The following KCTD8 variants were observed in gnomAD, a reference collection of about 807,000 sequenced individuals.
KCTD8 encodes the protein BTB/POZ domain-containing protein KCTD8.
Under a neutral mutation model 31.5 loss-of-function variants are expected in KCTD8, and 27 were observed. The observed-to-expected ratio is 0.86, with a 90% CI of 0.63 to 1.18. The LOEUF (loss-of-function observed/expected upper bound fraction) is 1.18, where lower values mean the gene tolerates loss of function less well. KCTD8 is among the 50% of genes most tolerant of loss of function. The probability of loss-of-function intolerance (pLI) is 0.00; values close to 1 mark genes in which losing one functional copy is unlikely to be tolerated. For synonymous variants in KCTD8, 290 were observed against 280.0 expected (o/e 1.04, Z -0.36); for missense variants, 658 against 647.7 (o/e 1.02, Z -0.17).
At chr4:44,421,848 G>GA (rs1285681917) in intron 1 of KCTD8, among the ~76,000 whole-genome samples, 7 of 151,588 alleles carry the variant, frequency 4.6e-5, no homozygotes, top group Non-Finnish European at 8.8e-5. Context: ...AATTTTTATG[G>GA]AAAAAAAATC....
intron 1 of KCTD8, among the ~76,000 whole-genome samples, chr4:44,403,344 TCTA>T (rs928671614): frequency 3.3e-5 from 5 of 151,944 alleles, no homozygotes; most frequent in African/African-American, 1.2e-4. Context: ...GGCTAAATTA[TCTA>T]CTTTTTCTGT....
intron 1 of KCTD8, among the ~76,000 whole-genome samples, chr4:44,276,046 G>A (rs1716739942): frequency 6.6e-6 from 1 of 151,864 alleles, no homozygotes; most frequent in Non-Finnish European, 1.5e-5. Flanking sequence ...TACTTCCATG[G>A]TCCCAAAAGA....
chr4:44,306,956 T>C (rs1717822157), intron 1 of KCTD8, among the ~76,000 whole-genome samples: 1 of 151,852 alleles, frequency 6.6e-6, no homozygotes, highest in Non-Finnish European at 1.5e-5. Flanking sequence ...TCAAAAGATA[T>C]AAAGAGTGGC....
At chr4:44,238,997 A>G (rs910780959) in intron 1 of KCTD8, among the ~76,000 whole-genome samples, 14 of 152,212 alleles carry the variant, frequency 9.2e-5, no homozygotes, top group African/African-American at 3.4e-4. Flanking sequence ...CTAAGGAAAC[A>G]AAAAACACAG....
chr4:44,441,147 T>G (rs1336353196), intron 1 of KCTD8, among the ~76,000 whole-genome samples: 4 of 152,170 alleles, frequency 2.6e-5, no homozygotes. Flanking sequence ...ATTTACTTGT[T>G]GGAATGACTT....
At chr4:44,397,921 A>C (rs1720548505) in intron 1 of KCTD8, among the ~76,000 whole-genome samples, 1 of 152,142 alleles carries the variant, frequency 6.6e-6, no homozygotes, top group African/African-American at 2.4e-5. Context: ...AGCACAATGA[A>C]TTACAGTTAA....
intron 1 of KCTD8, among the ~76,000 whole-genome samples, chr4:44,230,434 T>G (rs993952023): frequency 1.3e-5 from 2 of 152,184 alleles, no homozygotes; most frequent in African/African-American, 2.4e-5. Context: ...GTAATACTTA[T>G]GAAGAAAATG....
At chr4:44,346,863 C>T (rs1719050233) in intron 1 of KCTD8, among the ~76,000 whole-genome samples, 1 of 152,014 alleles carries the variant, frequency 6.6e-6, no homozygotes, top group Non-Finnish European at 1.5e-5. Flanking sequence ...TTTTATAAAC[C>T]ATGAACACAA....
At chr4:44,437,895 G>A (rs1478406849) in intron 1 of KCTD8, among the ~76,000 whole-genome samples, 1 of 151,982 alleles carries the variant, frequency 6.6e-6, no homozygotes, top group East Asian at 1.9e-4. Flanking sequence ...TACTCTAAAC[G>A]AGAATCACCA....
intron 1 of KCTD8, among the ~76,000 whole-genome samples, chr4:44,306,014 A>G (rs1276784579): frequency 6.6e-6 from 1 of 151,906 alleles, no homozygotes; most frequent in Non-Finnish European, 1.5e-5. Context: ...AAAGTTCAAT[A>G]ATAATATTGC....
chr4:44,369,605 T>C (rs1407469891), intron 1 of KCTD8, among the ~76,000 whole-genome samples: 1 of 152,052 alleles, frequency 6.6e-6, no homozygotes, highest in Admixed American at 6.6e-5. Flanking sequence ...CAGGAGTTCA[T>C]GAACAGCCTG....
chr4:44,264,503 T>A (rs1293256521), intron 1 of KCTD8, among the ~76,000 whole-genome samples: 1 of 152,200 alleles, frequency 6.6e-6, no homozygotes, highest in African/African-American at 2.4e-5. Flanking sequence ...GGTAACGGGT[T>A]CATCTCACTA....
chr4:44,233,609 G>A (rs1285809285), intron 1 of KCTD8, among the ~76,000 whole-genome samples: 2 of 152,106 alleles, frequency 1.3e-5, no homozygotes, highest in East Asian at 1.9e-4. Flanking sequence ...CTGTCAGGTG[G>A]AACTGTCAAG....
At chr4:44,201,105 G>A (rs1017134143) in intron 1 of KCTD8, among the ~76,000 whole-genome samples, 2 of 151,726 alleles carry the variant, frequency 1.3e-5, no homozygotes, top group African/African-American at 4.8e-5. Flanking sequence ...TAACCAAGAA[G>A]GTGAAAGATC....
At chr4:44,363,898 ATTAAT>A (rs946606729) in intron 1 of KCTD8, among the ~76,000 whole-genome samples, 7 of 152,182 alleles carry the variant, frequency 4.6e-5, no homozygotes, top group Non-Finnish European at 8.8e-5. Context: ...TAAAAGAAAA[ATTAAT>A]TTAAACATAG....
chr4:44,313,898 T>C (rs1223741635), intron 1 of KCTD8, among the ~76,000 whole-genome samples: 1 of 152,196 alleles, frequency 6.6e-6, no homozygotes, highest in Non-Finnish European at 1.5e-5. Context: ...CAGAAGCCTG[T>C]AAGGCATATC....
chr4:44,313,437 T>C (rs1447211174), intron 1 of KCTD8, among the ~76,000 whole-genome samples: 1 of 152,224 alleles, frequency 6.6e-6, no homozygotes, highest in Non-Finnish European at 1.5e-5. Flanking sequence ...TACTCTTTAA[T>C]AAAACTGCTC....
chr4:44,217,301 G>A lies in KCTD8; in HGVS notation c.962-42051C>T, dbSNP rs1384031311. On this transcript the variant is annotated intron_variant, in intron 1 of 1. Transcript: ENST00000360029. ...AATAAAGGAATCTCTTGTATTAACA[G>A]GCCATAGAAATAAGTTTTCTTGACC... is the stretch of plus-strand genomic sequence containing the variant. Among the ~76,000 whole-genome samples the A allele has an allele frequency of 3.9e-5, 6 of 152,224 alleles. No individual in the cohort carries two copies. The East Asian group carries it at 9.7e-4, about 25-fold the overall frequency.
intron 1 of KCTD8, among the ~76,000 whole-genome samples, chr4:44,241,341 A>G (rs1179845080): frequency 1.3e-5 from 2 of 152,262 alleles, no homozygotes; most frequent in Admixed American, 6.5e-5. Flanking sequence ...TAGCTGACAT[A>G]TAACATCTAT....
Sources: allele counts gnomAD v4.1 joint callset (sites outside exome capture counted in the v4.1 genomes callset), GRCh38; gene constraint gnomAD v4.1.1; transcripts MANE v1.5; gene names NCBI Gene and HGNC (gene_info 2026-07-23, HGNC 2026-07-21).